The following PCDHGA7 variants were observed in gnomAD, a reference collection of about 807,000 sequenced individuals.
PCDHGA7 encodes the protein protocadherin gamma subfamily A, 7.
In PCDHGA7, 44 loss-of-function variants were observed where a neutral mutation model predicts 58.3. That is an observed-to-expected ratio of 0.75 (90% CI 0.59 to 0.97). The LOEUF is 0.97. Among genes scored for constraint, PCDHGA7 ranks in the 50% least tolerant of loss-of-function variants. The pLI, the probability that PCDHGA7 is intolerant of heterozygous loss-of-function variation, is 0.00. For missense variants in PCDHGA7, 1,266 were observed against 1,188.7 expected (o/e 1.06, Z -0.96); for synonymous variants, 516 against 504.2 (o/e 1.02, Z -0.31).
At position 141,477,596 on chromosome 5, in the gene PCDHGA7, T is replaced by G. The variant is rs1364779381; in HGVS notation, c.2425-17211T>G. ...CGCCCCGCAGAATGCTCGGCTTTCTTTCTTTCTCTTGGAGCAAGGAGCTGA... is the reference window on the plus strand; with the variant it reads ...CGCCCCGCAGAATGCTCGGCTTTCTGTCTTTCTCTTGGAGCAAGGAGCTGA... On this transcript the variant is annotated intron_variant, in intron 1 of 3. Transcript: ENST00000518325. This position sits in a 1 kb window ranked among gnomAD's most constrained non-coding sequence, Gnocchi z 4.9. The G allele has an allele frequency of 6.2e-7, 1 of 1,614,184 alleles. No individual in the cohort carries two copies. The highest frequency in any genetic ancestry group is 1.1e-5 in the South Asian group (1 of 91,086).
intron 1 of PCDHGA7, among the ~76,000 whole-genome samples, chr5:141,426,065 G>C (rs1214623774): frequency 1.3e-5 from 2 of 152,184 alleles, no homozygotes; most frequent in East Asian, 3.8e-4. Flanking sequence ...GCAAGAACTG[G>C]AGCCTGGGAT....
At chr5:141,488,260 G>A (rs1297588710) in intron 1 of PCDHGA7, among the ~76,000 whole-genome samples, 2 of 152,182 alleles carry the variant, frequency 1.3e-5, no homozygotes, top group Non-Finnish European at 1.5e-5. Context: ...AGGTTGGGGC[G>A]GGTTGGTCAT....
At chr5:141,403,646 G>A in intron 1 of PCDHGA7, 1 of 1,613,950 alleles carries the variant, frequency 6.2e-7, no homozygotes, top group Non-Finnish European at 8.5e-7. Context: ...CCATGTGACA[G>A]TGTTGGATAC....
intron 2 of PCDHGA7, among the ~76,000 whole-genome samples, chr5:141,501,700 C>T (rs936448354): frequency 6.6e-6 from 1 of 151,950 alleles, no homozygotes; most frequent in African/African-American, 2.4e-5. Flanking sequence ...AGGGTGATTC[C>T]GAGGATAAAA....
In PCDHGA7 at chr5:141,491,737, G is replaced by A; in HGVS notation, c.2425-3070G>A. The A allele has an allele frequency of 6.2e-7, 1 of 1,600,586 alleles. No homozygotes were observed. Among genetic ancestry groups the A allele is most frequent in the Non-Finnish European group, 8.5e-7 (1 of 1,174,266 alleles). On this transcript the variant is annotated intron_variant, in intron 1 of 3. Coordinates refer to ENST00000518325, the MANE Select transcript of PCDHGA7 (RefSeq NM_018920.4). This position sits in a 1 kb window ranked among gnomAD's most constrained non-coding sequence, Gnocchi z 6.9. ...GGCGCCGCCCCGGGCGACCCCTGGG[G>A]GCGGCACTGGAGAAGCCGCCCGTCC...
At position 141,431,782 on chromosome 5, in the gene PCDHGA7, C is replaced by A. The variant is rs767269112; in HGVS notation, c.2424+46459C>A. The A allele has an allele frequency of 6.2e-7, 1 of 1,614,082 alleles. No homozygotes were observed. On this transcript the variant is annotated intron_variant, in intron 1 of 3. Transcript: ENST00000518325. This position sits in a 1 kb window ranked among gnomAD's most constrained non-coding sequence, Gnocchi z 4.8. Reference sequence around the variant, plus strand: ...TCCTGATCACTGTTCTGGACGTGAACGACAATGCCCCAGAAGTGGTCCTCA... The same window carrying A: ...TCCTGATCACTGTTCTGGACGTGAAAGACAATGCCCCAGAAGTGGTCCTCA...
rs1029237740 is a variant in PCDHGA7, at chr5:141,500,358, A to G, written c.2484-5035A>G. ...AGAATAGCTGGGACTACAGGCGCCC[A>G]CTACCACGCCCGGCTAATTATTTTG... On this transcript the variant is annotated intron_variant, in intron 2 of 3. Coordinates refer to ENST00000518325, the MANE Select transcript of PCDHGA7 (RefSeq NM_018920.4). Among the ~76,000 whole-genome samples, 5 of 151,706 alleles carry G rather than the reference A, an allele frequency of 3.3e-5. No homozygotes were observed. In the South Asian group the frequency reaches 6.3e-4, roughly 19 times the overall value.
chr5:141,478,394 G>A, intron 1 of PCDHGA7: 1 of 1,613,586 alleles, frequency 6.2e-7, no homozygotes, highest in Non-Finnish European at 8.5e-7. Context: ...TTACCATCAG[G>A]TGTATCTCAC....
chr5:141,454,272 A>G (rs1226625529), intron 1 of PCDHGA7, among the ~76,000 whole-genome samples: 1 of 152,200 alleles, frequency 6.6e-6, no homozygotes, highest in Non-Finnish European at 1.5e-5. Context: ...ATGCCAGCAA[A>G]AACTTCACAT....
intron 1 of PCDHGA7, among the ~76,000 whole-genome samples, chr5:141,407,824 G>C (rs2094986699): frequency 6.6e-6 from 1 of 152,190 alleles, no homozygotes; most frequent in South Asian, 2.1e-4. Context: ...TAATATTATG[G>C]TGAGAGCAAA....
intron 1 of PCDHGA7, among the ~76,000 whole-genome samples, chr5:141,424,873 A>G (rs549945556): frequency 3.9e-5 from 6 of 152,198 alleles, no homozygotes; most frequent in Non-Finnish European, 8.8e-5. Context: ...CAAATGAGGA[A>G]AGGAGACTTA....
chr5:141,450,675 CG>C (rs2098689980), intron 1 of PCDHGA7, among the ~76,000 whole-genome samples: 1 of 151,614 alleles, frequency 6.6e-6, no homozygotes, highest in Non-Finnish European at 1.5e-5. Flanking sequence ...TTAGTAGAAA[CG>C]GGGTTTTGCC....
intron 1 of PCDHGA7, among the ~76,000 whole-genome samples, chr5:141,472,980 C>CAAAAAAAAAAAAAAAAAGAAAAAAA (rs2099309731): frequency 1.2e-5 from 1 of 86,102 alleles, no homozygotes; most frequent in African/African-American, 3.9e-5. Flanking sequence ...GAGTGAAACT[C>CAAAAAAAAAAAAAAAAAGAAAAAAA]AAAAAAAAAA....
Position 141,383,924 on chromosome 5 carries a change from A to G in PCDHGA7, c.1025A>G (p.Asp342Gly). 1.2e-6 allele frequency: 2 copies of G among 1,613,950 alleles called. No homozygotes were observed. The highest frequency in any genetic ancestry group is 1.7e-6 in the Non-Finnish European group (2 of 1,179,872). The change falls in exon 1 of 4, where the codon GAT becomes GGT. Residue 342 changes from aspartate (D) to glycine (G), a missense_variant. Asp to Gly is a moderately conservative substitution (Grantham distance 94). Coordinates refer to ENST00000518325, the MANE Select transcript of PCDHGA7 (RefSeq NM_018920.4). ...CTGATCACAGTTTTAGATGTAAATG[A>G]TAATGCTCCAGAAGTGACTATGACG... is the stretch of plus-strand genomic sequence containing the variant. ...KVLITVLDVN[D>G]NAPEVTMTSL...
Position 141,476,160 on chromosome 5 carries a change from G to A in PCDHGA7, c.2425-18647G>A, listed in dbSNP as rs781765205. 4.3e-6 allele frequency: 7 copies of A among 1,612,858 alleles called. No homozygotes were observed. The highest frequency in any genetic ancestry group is 5.9e-6 in the Non-Finnish European group (7 of 1,179,926). On this transcript the variant is annotated intron_variant, in intron 1 of 3. Coordinates refer to ENST00000518325, the MANE Select transcript of PCDHGA7 (RefSeq NM_018920.4). This position sits in a 1 kb window ranked among gnomAD's most constrained non-coding sequence, Gnocchi z 7.6. ...AGGAGCGGACTGGTAAGCACCGGGA[G>A]GGTAGTGGGAGTTTTGCTTCTGCTT...
intron 1 of PCDHGA7, chr5:141,413,180 C>T: frequency 6.2e-7 from 1 of 1,602,612 alleles, no homozygotes; most frequent in Non-Finnish European, 8.5e-7. Flanking sequence ...ACTACAATGG[C>T]CGCTCAAAGG....
At chr5:141,444,492 T>C (rs1052885639) in intron 1 of PCDHGA7, among the ~76,000 whole-genome samples, 1 of 152,122 alleles carries the variant, frequency 6.6e-6, no homozygotes, top group East Asian at 1.9e-4. Context: ...TTATATTGTG[T>C]AATACTTTGC....
intron 1 of PCDHGA7, among the ~76,000 whole-genome samples, chr5:141,482,488 G>C (rs1401943298): frequency 7.7e-6 from 1 of 130,410 alleles, no homozygotes; most frequent in African/African-American, 3.1e-5. Context: ...ACAATTAAAA[G>C]TTATCATTCT....
At chr5:141,424,297 A>G (rs2096812591) in intron 1 of PCDHGA7, 1 of 152,466 alleles carries the variant, frequency 6.6e-6, no homozygotes, top group African/African-American at 2.4e-5. Flanking sequence ...TCTTCATCCT[A>G]TCAACACAGA....
Sources: allele counts gnomAD v4.1 joint callset (sites outside exome capture counted in the v4.1 genomes callset), GRCh38; gene constraint gnomAD v4.1.1; non-coding constraint Gnocchi (gnomAD v3.1); transcripts MANE v1.5; gene names NCBI Gene and HGNC (gene_info 2026-07-23, HGNC 2026-07-21).